MLLT3: variants seen among roughly 807,000 people sequenced by gnomAD.
MLLT3 encodes the protein protein AF-9.
A neutral mutation model predicts 53.2 loss-of-function variants in MLLT3; 4 were observed. That is an observed-to-expected ratio of 0.08 (90% CI 0.04 to 0.17). MLLT3 has a LOEUF of 0.17. Ranked by LOEUF, MLLT3 falls within the 10% of genes least tolerant of loss-of-function variation. The pLI, the probability that MLLT3 is intolerant of heterozygous loss-of-function variation, is 1.00. For synonymous variants in MLLT3, 283 were observed against 230.6 expected, an observed-to-expected ratio of 1.23 and a Z score of -2.06; for missense variants, 569 against 684.0, an observed-to-expected ratio of 0.83 and a Z score of 1.87.
intron 2 of MLLT3, among the ~76,000 whole-genome samples, chr9:20,458,574 C>A (rs1029747745): frequency 6.6e-6 from 1 of 152,138 alleles, no homozygotes; most frequent in Non-Finnish European, 1.5e-5. Context: ...AAGGTGGAAA[C>A]CTCATGAATG....
chr9:20,405,836 G>C (rs1822563494), intron 5 of MLLT3, among the ~76,000 whole-genome samples: 1 of 152,090 alleles, frequency 6.6e-6, no homozygotes. Context: ...TTCTGGCCGG[G>C]TGTGGTGGCT....
At chr9:20,401,442 T>C (rs1367813169) in intron 5 of MLLT3, among the ~76,000 whole-genome samples, 2 of 152,152 alleles carry the variant, frequency 1.3e-5, no homozygotes, top group South Asian at 2.1e-4. Context: ...TGAACTAACA[T>C]TGTTTTTTTC....
intron 5 of MLLT3, among the ~76,000 whole-genome samples, chr9:20,402,373 G>C (rs867378583): frequency 6.6e-6 from 1 of 152,202 alleles, no homozygotes; most frequent in Non-Finnish European, 1.5e-5. Context: ...AAGCACCAGA[G>C]TTCACTGGAA....
intron 2 of MLLT3, among the ~76,000 whole-genome samples, chr9:20,539,729 T>C (rs1248793670): frequency 6.6e-6 from 1 of 151,852 alleles, no homozygotes; most frequent in African/African-American, 2.4e-5. Flanking sequence ...ATTCTTCCCC[T>C]GACCCCTCCC....
chr9:20,400,274 C>T (rs1039280132), intron 5 of MLLT3, among the ~76,000 whole-genome samples: 1 of 152,086 alleles, frequency 6.6e-6, no homozygotes, highest in Non-Finnish European at 1.5e-5. Flanking sequence ...TCTCCTCTTG[C>T]ATCTTCATGT....
chr9:20,592,001 T>G (rs1027691459), intron 2 of MLLT3, among the ~76,000 whole-genome samples: 1 of 152,044 alleles, frequency 6.6e-6, no homozygotes, highest in Non-Finnish European at 1.5e-5. Context: ...TAAAAATAAA[T>G]TAAGAATAGA....
At chr9:20,467,615 A>G (rs966896361) in intron 2 of MLLT3, among the ~76,000 whole-genome samples, 2 of 152,202 alleles carry the variant, frequency 1.3e-5, no homozygotes, top group Non-Finnish European at 2.9e-5. Context: ...AAAGTCGATG[A>G]GCAGATTTAA....
In MLLT3 at chr9:20,374,671, A is replaced by C. The variant is rs565992578; in HGVS notation, c.1126-8927T>G. 7.2e-5 allele frequency among the ~76,000 whole-genome samples: 11 copies of C among 152,334 alleles called. 1 individual carries two copies. The South Asian group carries it at 2.1e-3, about 29-fold the overall frequency. On this transcript the variant is annotated intron_variant, in intron 5 of 10. Transcript: ENST00000380338. ...AGTAACTGCTTCAAAAACATGCTAA[A>C]AGAACAAAACTTTGTTATATAAAAA...
Position 20,522,811 on chromosome 9 carries a change from A to C in MLLT3, c.194-66025T>G, listed in dbSNP as rs75327135. 6.1e-3 allele frequency among the ~76,000 whole-genome samples: 926 copies of C among 152,258 alleles called. 10 individuals are homozygous for C. Among genetic ancestry groups the C allele is most frequent in the African/African-American group, 0.02 (833 of 41,548 alleles). On this transcript the variant is annotated intron_variant, in intron 2 of 10. Coordinates refer to ENST00000380338, the MANE Select transcript of MLLT3 (RefSeq NM_004529.4). ...GCCCAGTGCAGTAGCTAACACCTCT[A>C]ATCTCAGCATGTGGTGGTGCGTGCC...
intron 4 of MLLT3, among the ~76,000 whole-genome samples, chr9:20,438,154 T>A (rs1823451606): frequency 6.6e-6 from 1 of 152,222 alleles, no homozygotes; most frequent in Non-Finnish European, 1.5e-5. Flanking sequence ...AACACTCTGA[T>A]AACAAATTTT....
intron 10 of MLLT3, among the ~76,000 whole-genome samples, chr9:20,350,256 C>T (rs7866409): frequency 0.35 from 53,171 of 152,026 alleles, 12,045 homozygotes; most frequent in East Asian, 0.65. Context: ...CAATAATTAA[C>T]GTCTGTCCAA....
At chr9:20,616,598 C>T (rs1327645046) in intron 2 of MLLT3, among the ~76,000 whole-genome samples, 1 of 152,130 alleles carries the variant, frequency 6.6e-6, no homozygotes, top group African/African-American at 2.4e-5. Context: ...TATTTACAGA[C>T]ATACACTTGT....
chr9:20,375,700 C>T (rs541990783), intron 5 of MLLT3, among the ~76,000 whole-genome samples: 2 of 151,252 alleles, frequency 1.3e-5, no homozygotes, highest in Non-Finnish European at 2.9e-5. Context: ...GCTCCGCCTC[C>T]TGGGTTCACG....
intron 2 of MLLT3, chr9:20,532,854 A>G: frequency 3.9e-6 from 1 of 258,864 alleles, no homozygotes; most frequent in Non-Finnish European, 7.5e-6. Context: ...GCTGGACCAC[A>G]AGTACAGACC....
chr9:20,459,727 TTC>T (rs1491489308), intron 2 of MLLT3, among the ~76,000 whole-genome samples: 13 of 152,230 alleles, frequency 8.5e-5, no homozygotes, highest in Admixed American at 5.2e-4. Context: ...GGATTTTTTT[TTC>T]CCCACCCTTT....
At chr9:20,377,446 T>C (rs191962091) in intron 5 of MLLT3, among the ~76,000 whole-genome samples, 12 of 152,220 alleles carry the variant, frequency 7.9e-5, no homozygotes, top group Middle Eastern at 3.4e-3. Context: ...TATTTGGGAT[T>C]ATAAAAAAGT....
At chr9:20,502,879 A>G (rs1484748655) in intron 2 of MLLT3, among the ~76,000 whole-genome samples, 1 of 152,232 alleles carries the variant, frequency 6.6e-6, no homozygotes, top group Non-Finnish European at 1.5e-5. Context: ...TCATTTTTCA[A>G]ACATCAGTAG....
At chr9:20,411,979 A>G (rs1204191995) in intron 5 of MLLT3, 1 of 152,222 alleles carries the variant, frequency 6.6e-6, no homozygotes, top group African/African-American at 2.4e-5. Flanking sequence ...TAAAATTTTC[A>G]TAAGCCATTA....
intron 5 of MLLT3, among the ~76,000 whole-genome samples, chr9:20,397,751 G>A (rs937319463): frequency 3.3e-5 from 5 of 152,036 alleles, no homozygotes; most frequent in African/African-American, 4.8e-5. Flanking sequence ...TGTCTTTAGA[G>A]TTCATTTTTT....
Sources: allele counts gnomAD v4.1 joint callset (sites outside exome capture counted in the v4.1 genomes callset), GRCh38; gene constraint gnomAD v4.1.1; transcripts MANE v1.5; gene names NCBI Gene and HGNC (gene_info 2026-07-23, HGNC 2026-07-21).